Variants in CRTC3 observed in about 807,000 individuals in gnomAD.
The protein encoded by CRTC3 is CREB regulated transcription coactivator 3.
CRTC3 carries 26 observed loss-of-function variants against 74.5 expected under a neutral mutation model. The observed-to-expected ratio is 0.35, with a 90% CI of 0.26 to 0.48. The LOEUF (loss-of-function observed/expected upper bound fraction) is 0.48, where lower values mean the gene tolerates loss of function less well. Ranked by LOEUF, CRTC3 falls within the 20% of genes least tolerant of loss-of-function variation. CRTC3 has a pLI of 0.99. For missense variants in CRTC3, 760 were observed against 787.3 expected (o/e 0.97, Z 0.41); for synonymous variants, 377 against 325.8 (o/e 1.16, Z -1.69).
intron 1 of CRTC3, among the ~76,000 whole-genome samples, chr15:90,533,614 A>C (rs924173232): frequency 2.0e-5 from 3 of 152,150 alleles, no homozygotes; most frequent in African/African-American, 7.2e-5. Context: ...TTGTTCCACA[A>C]ATTTACTTAC....
intron 10 of CRTC3, among the ~76,000 whole-genome samples, chr15:90,628,577 T>C (rs1470330008): frequency 1.3e-5 from 2 of 152,184 alleles, no homozygotes; most frequent in Admixed American, 1.3e-4. Context: ...CTCCCAAATT[T>C]CCTTGCTCAT....
Position 90,622,615 on chromosome 15 carries a change from C to T in CRTC3, c.749+2825C>T, listed in dbSNP as rs540509609. Among the ~76,000 whole-genome samples, 3 of 152,314 alleles carry T rather than the reference C, an allele frequency of 2.0e-5. No homozygotes were observed. In the East Asian group the frequency reaches 5.8e-4, roughly 29 times the overall value. ...CCTGTAATCGCAGCACTTTGGGAGG[C>T]TGAGGCAGGCCGATCACTTGAGGTC... is the stretch of plus-strand genomic sequence containing the variant. On this transcript the variant is annotated intron_variant, in intron 9 of 14. Transcript: ENST00000268184.
At chr15:90,627,207 G>T (rs1968868420) in intron 10 of CRTC3, among the ~76,000 whole-genome samples, 1 of 152,238 alleles carries the variant, frequency 6.6e-6, no homozygotes, top group African/African-American at 2.4e-5. Flanking sequence ...TAGGTTTGAA[G>T]AATTGATTTC....
chr15:90,634,432 T>A (rs764643725), intron 11 of CRTC3, among the ~76,000 whole-genome samples: 1 of 152,222 alleles, frequency 6.6e-6, no homozygotes, highest in Admixed American at 6.5e-5. Flanking sequence ...GTTTCATCCA[T>A]ACCCTGCTTT....
intron 1 of CRTC3, among the ~76,000 whole-genome samples, chr15:90,538,773 CTT>C (rs4031379): frequency 6.9e-6 from 1 of 144,458 alleles, no homozygotes; most frequent in Non-Finnish European, 1.5e-5. Context: ...CAAACTTCAC[CTT>C]TTTTTTTTTT....
At position 90,629,252 on chromosome 15, in the gene CRTC3, G is replaced by A; in HGVS notation, c.986G>A (p.Ser329Asn). ...RSSSGLQSSRSNPSIQATLNK... is the reference protein window; with the variant it reads ...RSSSGLQSSRNNPSIQATLNK... The stretch of plus-strand genomic sequence containing the variant: ...CTTCCAGGTCTCCAGAGTTCTCGGA[G>A]TAACCCCTCCATCCAAGCCACGCTC... The change falls in exon 11 of 15, where the codon AGT (serine) becomes AAT (asparagine). Residue 329 changes from serine to asparagine, a missense_variant. Coordinates refer to ENST00000268184, the MANE Select transcript of CRTC3 (RefSeq NM_022769.5). 6.2e-7 allele frequency: 1 copy of A among 1,613,540 alleles called. No individual in the cohort carries two copies. The highest frequency in any genetic ancestry group is 8.5e-7 in the Non-Finnish European group (1 of 1,179,534).
chr15:90,560,920 A>C (rs13340871), intron 2 of CRTC3, among the ~76,000 whole-genome samples: 1 of 152,192 alleles, frequency 6.6e-6, no homozygotes, highest in African/African-American at 2.4e-5. Flanking sequence ...TTGATCAAGC[A>C]ATTTAGTAAG....
At chr15:90,550,540 A>T (rs1966853422) in intron 2 of CRTC3, among the ~76,000 whole-genome samples, 1 of 150,732 alleles carries the variant, frequency 6.6e-6, no homozygotes. Context: ...AGCAGATGGC[A>T]CTGTCATGGA....
chr15:90,605,092 C>A (rs1409080714), intron 5 of CRTC3, among the ~76,000 whole-genome samples: 2 of 150,950 alleles, frequency 1.3e-5, no homozygotes, highest in African/African-American at 4.9e-5. Flanking sequence ...GAGACCCTGT[C>A]TCTATGAAAA....
chr15:90,622,173 C>T lies in CRTC3; in HGVS notation c.749+2383C>T, dbSNP rs557313370. 1.5e-3 allele frequency among the ~76,000 whole-genome samples: 225 copies of T among 152,200 alleles called. 1 individual carries two copies. Among genetic ancestry groups the T allele is most frequent in the African/African-American group, 5.0e-3 (209 of 41,528 alleles). ...GGAGGCTTGTATTGCTTGGATCTGA[C>T]GCAGAGAAGATGGGAGTCGTTAGAG... On this transcript the variant is annotated intron_variant, in intron 9 of 14. Transcript: ENST00000268184.
intron 9 of CRTC3, among the ~76,000 whole-genome samples, chr15:90,622,902 C>T (rs1024125187): frequency 2.6e-5 from 4 of 152,156 alleles, no homozygotes; most frequent in African/African-American, 9.7e-5. Flanking sequence ...AGTTTTTCTA[C>T]AACCAAAATG....
chr15:90,584,751 C>T (rs952951982), intron 2 of CRTC3, among the ~76,000 whole-genome samples: 5 of 151,672 alleles, frequency 3.3e-5, no homozygotes, highest in Non-Finnish European at 7.4e-5. Flanking sequence ...CAAGCATTAA[C>T]GGCAGATAGG....
Position 90,642,633 on chromosome 15 carries a change from G to A in CRTC3, c.*493G>A. 4.1e-6 allele frequency: 1 copy of A among 243,978 alleles called. No homozygotes were observed. The highest frequency in any genetic ancestry group is 1.2e-3 in the Middle Eastern group (1 of 826). The allele number at this position is 243,978 out of a possible 1,614,324, so 15.1% of individuals were successfully genotyped here. On this transcript the variant is annotated 3_prime_UTR_variant, in exon 15 of 15. Coordinates refer to ENST00000268184, the MANE Select transcript of CRTC3 (RefSeq NM_022769.5). Reference sequence around the variant, plus strand: ...CCAGAGGGCGAGGCCCTCCAGCGGGGGACATTCCCAGGCTGAGTGGACCCC... The same window carrying A: ...CCAGAGGGCGAGGCCCTCCAGCGGGAGACATTCCCAGGCTGAGTGGACCCC...
intron 2 of CRTC3, among the ~76,000 whole-genome samples, chr15:90,540,500 T>C (rs1052739009): frequency 3.9e-5 from 6 of 152,134 alleles, no homozygotes; most frequent in African/African-American, 1.4e-4. Flanking sequence ...TGGCTGGGCA[T>C]GGTGGCTCAC....
rs1232176912 is a variant in CRTC3, at chr15:90,643,025, C to T, written c.*885C>T. ...TGAGGCCCTAACCCCACCCACCGAG[C>T]AACTGAGCTTCCCCATCCCTCCCCA... is the stretch of plus-strand genomic sequence containing the variant. On this transcript the variant is annotated 3_prime_UTR_variant, in exon 15 of 15. Coordinates refer to ENST00000268184, the MANE Select transcript of CRTC3 (RefSeq NM_022769.5). 3.4e-5 allele frequency: 8 copies of T among 232,274 alleles called. No homozygotes were observed. Among genetic ancestry groups the T allele is most frequent in the Non-Finnish European group, 6.0e-5 (7 of 117,510 alleles). 14.4% of individuals were successfully genotyped at this position (232,274 alleles called of 1,614,324 possible). A position where few individuals can be genotyped will look rare whatever the true frequency, so the allele number is the denominator to read the frequency against.
chr15:90,620,218 A>G (rs1387838086), intron 9 of CRTC3: 2 of 187,704 alleles, frequency 1.1e-5, no homozygotes, highest in African/African-American at 4.8e-5. Flanking sequence ...GTTAATTAAG[A>G]GAGTTTCTGT....
At chr15:90,560,815 T>G (rs1966994897) in intron 2 of CRTC3, among the ~76,000 whole-genome samples, 1 of 152,188 alleles carries the variant, frequency 6.6e-6, no homozygotes, top group Non-Finnish European at 1.5e-5. Context: ...CAGGTTTAGT[T>G]TGTGGAGATG....
chr15:90,566,218 T>G lies in CRTC3; in HGVS notation c.231+26081T>G, dbSNP rs569813188. On this transcript the variant is annotated intron_variant, in intron 2 of 14. Coordinates refer to ENST00000268184, the MANE Select transcript of CRTC3 (RefSeq NM_022769.5). ...GCTGAGGAAGCTACAAAAGAAAAGT[T>G]TGAAGCTAGCAGAGGTTGGTTCATG... Among the ~76,000 whole-genome samples, 18 of 152,180 alleles carry G rather than the reference T, an allele frequency of 1.2e-4. 2 individuals carry two copies. In the South Asian group the frequency reaches 3.7e-3, roughly 32 times the overall value.
chr15:90,538,266 CT>C (rs1316005420), intron 1 of CRTC3, among the ~76,000 whole-genome samples: 1 of 152,148 alleles, frequency 6.6e-6, no homozygotes, highest in African/African-American at 2.4e-5. Context: ...CTGATAAGTA[CT>C]TTTAGAATGT....
Sources: gnomAD v4.1 joint callset for allele counts (sites outside exome capture counted in the v4.1 genomes callset) on GRCh38, gnomAD v4.1.1 for gene constraint, MANE v1.5 for transcripts, NCBI Gene and HGNC (gene_info 2026-07-23, HGNC 2026-07-21) for gene names.